CCDC169: variants seen among roughly 807,000 people sequenced by gnomAD.
CCDC169 encodes coiled-coil domain-containing protein 169.
CCDC169 carries 30 observed loss-of-function variants against 36.0 expected under a neutral mutation model. The ratio of observed to expected loss-of-function variants is 0.83; its 90% CI spans 0.62 to 1.13. The LOEUF (loss-of-function observed/expected upper bound fraction) is 1.13. CCDC169 is among the 50% of genes most tolerant of loss of function. CCDC169 has a pLI of 0.00. For synonymous variants in CCDC169, 85 were observed against 81.5 expected (o/e 1.04, Z -0.23); for missense variants, 245 against 245.9 (o/e 1.00, Z 0.03).
At chr13:36,297,155 A>G (rs1566096187) in intron 1 of CCDC169, among the ~76,000 whole-genome samples, 1 of 152,182 alleles carries the variant, frequency 6.6e-6, no homozygotes, top group Non-Finnish European at 1.5e-5. Flanking sequence ...AATACTTTAA[A>G]TGTTTCAAAA....
At chr13:36,274,881 T>C (rs1463047750) in intron 4 of CCDC169, among the ~76,000 whole-genome samples, 2 of 149,866 alleles carry the variant, frequency 1.3e-5, no homozygotes, top group African/African-American at 2.5e-5. Flanking sequence ...TTTTTTTTTT[T>C]TTTTTTTGAG....
rs753917831 is a variant in CCDC169, at chr13:36,295,812, C to T, written c.129G>A (p.Thr43=). The change falls in exon 2 of 8, where the codon ACG becomes ACA. Residue 43 remains threonine, a synonymous_variant. Transcript: ENST00000239859. ...CAGTATTGAGTTTGGCTTCCAGTTCCGTAATCTTGTGTCTTAGTTCAAATA... is the reference window on the plus strand; with the variant it reads ...CAGTATTGAGTTTGGCTTCCAGTTCTGTAATCTTGTGTCTTAGTTCAAATA... The part of the protein sequence containing the change: ...LSIFELRHKI[T]ELEAKLNTDN... 61 of 1,543,442 alleles carry T rather than the reference C, an allele frequency of 4.0e-5. No homozygotes were observed. The highest frequency in any genetic ancestry group is 4.8e-5 in the Non-Finnish European group (55 of 1,141,022).
At position 36,271,674 on chromosome 13, in the gene CCDC169, G is replaced by A. The variant is rs141271937; in HGVS notation, c.315+11795C>T. ...ACACAGGAGTAGAAAACCAAACACC[G>A]TATGTTCTGACTTATAAGTGGGAGC... On this transcript the variant is annotated intron_variant, in intron 4 of 7. Coordinates refer to ENST00000239859, the MANE Select transcript of CCDC169 (RefSeq NM_001144981.3). Among the ~76,000 whole-genome samples the A allele has an allele frequency of 3.9e-3, 599 of 152,206 alleles. 5 individuals carry two copies. Among genetic ancestry groups the A allele is most frequent in the African/African-American group, 0.014 (580 of 41,528 alleles).
chr13:36,226,237 C>T (rs9575606), downstream of CCDC169: 61,629 of 152,070 alleles, frequency 0.41, 13,269 homozygotes, highest in Non-Finnish European at 0.48. Flanking sequence ...TATACACCAG[C>T]AGTTCCCAAC....
chr13:36,247,539 C>T (rs550292520), intron 7 of CCDC169, among the ~76,000 whole-genome samples: 2 of 152,042 alleles, frequency 1.3e-5, no homozygotes, highest in African/African-American at 2.4e-5. Context: ...TGATTCCAAC[C>T]CTCACAGATG....
At chr13:36,254,275 CTTT>C (rs1368470201) in intron 4 of CCDC169, 132 bp from the exon 5 acceptor site, 696 of 363,968 alleles carry the variant, frequency 1.9e-3, no homozygotes, top group East Asian at 3.0e-3. Flanking sequence ...ATGATATGTA[CTTT>C]TTTTTTTTTT....
Position 36,283,649 on chromosome 13 carries a change from C to G in CCDC169, c.217G>C (p.Glu73Gln). The G allele has an allele frequency of 6.4e-7, 1 of 1,551,210 alleles. No homozygotes were observed. The highest frequency in any genetic ancestry group is 8.7e-7 in the Non-Finnish European group (1 of 1,146,772). Reference sequence around the variant, plus strand: ...TCCTTGAGATAAACAATTTGCTTTTCTAGTTCATCATTTAATTCAAGTTGT... The same window carrying G: ...TCCTTGAGATAAACAATTTGCTTTTGTAGTTCATCATTTAATTCAAGTTGT... ...ETQLELNDEL[E>Q]KQIVYLKEKV... Residue 73 changes from glutamate to glutamine, a missense_variant, in exon 3 of 8, where the codon GAA becomes CAA. Coordinates refer to ENST00000239859, the MANE Select transcript of CCDC169 (RefSeq NM_001144981.3).
At chr13:36,274,385 AT>A (rs1321043179) in intron 4 of CCDC169, 1 of 152,204 alleles carries the variant, frequency 6.6e-6, no homozygotes, top group African/African-American at 2.4e-5. Flanking sequence ...TGAACTAGAT[AT>A]CTTTAAAACA....
intron 1 of CCDC169, 61 bp from the exon 2 acceptor site, chr13:36,295,918 T>A: frequency 1.1e-6 from 1 of 942,646 alleles, no homozygotes; most frequent in Non-Finnish European, 1.6e-6. Flanking sequence ...AGAAAAATAA[T>A]ACATAGTAAC....
chr13:36,295,707 C>T (rs1879397228), intron 2 of CCDC169, 71 bp downstream of exon 2: 3 of 765,202 alleles, frequency 3.9e-6, no homozygotes, highest in Non-Finnish European at 2.1e-6. Flanking sequence ...GAATTTAATG[C>T]ACCATAGATA....
At chr13:36,284,583 C>G (rs1004716398) in intron 2 of CCDC169, among the ~76,000 whole-genome samples, 1 of 152,158 alleles carries the variant, frequency 6.6e-6, no homozygotes, top group African/African-American at 2.4e-5. Flanking sequence ...TCACTAAACC[C>G]TTTTAGCTAT....
intron 2 of CCDC169, among the ~76,000 whole-genome samples, chr13:36,293,033 T>C (rs1272449095): frequency 6.6e-6 from 1 of 152,144 alleles, no homozygotes; most frequent in Non-Finnish European, 1.5e-5. Context: ...TTGCTTCTCT[T>C]TTTTCTTTGA....
intron 1 of CCDC169, among the ~76,000 whole-genome samples, 185 bp from the exon 2 acceptor site, chr13:36,296,042 A>T (rs1310889060): frequency 6.6e-6 from 1 of 152,180 alleles, no homozygotes; most frequent in Non-Finnish European, 1.5e-5. Context: ...GGACTCAAAT[A>T]TGCACTAAAG....
chr13:36,262,671 C>G (rs1189337320), intron 4 of CCDC169, among the ~76,000 whole-genome samples: 1 of 152,152 alleles, frequency 6.6e-6, no homozygotes, highest in African/African-American at 2.4e-5. Context: ...CCCAGCATAG[C>G]ATCTTTAAAG....
chr13:36,283,957 C>A (rs1275211802), intron 2 of CCDC169, among the ~76,000 whole-genome samples: 1 of 152,168 alleles, frequency 6.6e-6, no homozygotes, highest in African/African-American at 2.4e-5. Context: ...TTCTTCCCTA[C>A]TTCCCACCTG....
At chr13:36,288,314 C>T (rs1239075609) in intron 2 of CCDC169, among the ~76,000 whole-genome samples, 11 of 151,932 alleles carry the variant, frequency 7.2e-5, no homozygotes, top group East Asian at 5.8e-4. Flanking sequence ...GTGCCCGACC[C>T]GGAAATAACT....
At chr13:36,292,602 T>A (rs1879033068) in intron 2 of CCDC169, among the ~76,000 whole-genome samples, 2 of 152,156 alleles carry the variant, frequency 1.3e-5, no homozygotes, top group South Asian at 4.1e-4. Flanking sequence ...GCCTAAAAAC[T>A]AATCCAGTGA....
At chr13:36,267,551 G>GA (rs200099652) in intron 4 of CCDC169, among the ~76,000 whole-genome samples, 4 of 151,554 alleles carry the variant, frequency 2.6e-5, no homozygotes, top group Non-Finnish European at 4.4e-5. Context: ...ATAACACAAT[G>GA]AAAAAAAACT....
intron 6 of CCDC169, among the ~76,000 whole-genome samples, chr13:36,253,160 C>T (rs1005038203): frequency 6.6e-5 from 10 of 152,136 alleles, no homozygotes; most frequent in African/African-American, 2.2e-4. Context: ...AACAAAAGTT[C>T]CATCTCTCGA....
Sources: allele counts gnomAD v4.1 joint callset (sites outside exome capture counted in the v4.1 genomes callset), GRCh38; gene constraint gnomAD v4.1.1; transcripts MANE v1.5; gene names NCBI Gene and HGNC (gene_info 2026-07-23, HGNC 2026-07-21).